The following GRIK5 variants were observed in gnomAD, a reference collection of about 807,000 sequenced individuals.
GRIK5 encodes glutamate receptor ionotropic, kainate 5.
A neutral mutation model predicts 97.4 loss-of-function variants in GRIK5; 43 were observed. That is an observed-to-expected ratio of 0.44 (90% confidence interval 0.35 to 0.57). The LOEUF is 0.57. Ranked by LOEUF, GRIK5 falls within the 20% of genes least tolerant of loss-of-function variation. GRIK5 has a pLI of 0.01. For synonymous variants in GRIK5, 580 were observed against 583.5 expected, an observed-to-expected ratio of 0.99 and a Z score of 0.09; for missense variants, 1,015 against 1,382.0, an observed-to-expected ratio of 0.73 and a Z score of 4.21.
At chr19:42,039,387 C>T (rs1413643850) in intron 12 of GRIK5, among the ~76,000 whole-genome samples, 1 of 152,180 alleles carries the variant, frequency 6.6e-6, no homozygotes, top group African/African-American at 2.4e-5. Context: ...GCAGGAGAAT[C>T]ATTTGAACCC....
chr19:42,027,141 T>C (rs2075781764), intron 12 of GRIK5, among the ~76,000 whole-genome samples: 2 of 152,172 alleles, frequency 1.3e-5, no homozygotes, highest in South Asian at 2.1e-4. Flanking sequence ...CGCCCTCCAC[T>C]AGCCCAGCAC....
chr19:42,039,804 A>T (rs1281811624), intron 12 of GRIK5, among the ~76,000 whole-genome samples: 1 of 151,864 alleles, frequency 6.6e-6, no homozygotes, highest in East Asian at 1.9e-4. Context: ...ACAGGGCCAG[A>T]CCCCATCTCT....
chr19:42,050,967 G>A (rs2076107780), intron 11 of GRIK5, among the ~76,000 whole-genome samples: 1 of 152,122 alleles, frequency 6.6e-6, no homozygotes, highest in African/African-American at 2.4e-5. Context: ...GCCCCTCAAG[G>A]CGAGACGCAG....
chr19:42,059,278 T>C, intron 6 of GRIK5, 71 bp downstream of exon 6: 2 of 1,232,608 alleles, frequency 1.6e-6, no homozygotes, highest in African/African-American at 1.5e-5. Context: ...CCCATGGGCA[T>C]TGGGTGACTT....
chr19:42,022,854 C>T lies in GRIK5; in HGVS notation c.1474-500G>A, dbSNP rs1479070446. On this transcript the variant is annotated intron_variant, in intron 12 of 19. Transcript: ENST00000593562. The surrounding 1 kb of genome is among the most constrained non-coding windows in gnomAD (Gnocchi z 4.2). ...GCCAGTGGAGACATAACCCAGGCCCCGGCCCAGTGTATAGTCAGGGAGATA... is the reference window on the plus strand; with the variant it reads ...GCCAGTGGAGACATAACCCAGGCCCTGGCCCAGTGTATAGTCAGGGAGATA... Among the ~76,000 whole-genome samples, 2 of 151,980 alleles carry T rather than the reference C, an allele frequency of 1.3e-5. No homozygotes were observed. The highest frequency in any genetic ancestry group is 1.3e-4 in the Admixed American group (2 of 15,246).
At chr19:42,051,677 G>C (rs1403629681) in intron 11 of GRIK5, among the ~76,000 whole-genome samples, 1 of 152,230 alleles carries the variant, frequency 6.6e-6, no homozygotes, top group Non-Finnish European at 1.5e-5. Context: ...CACCCAGTTT[G>C]AGTCACATCT....
chr19:42,065,534 TCTGGACTC>T lies in GRIK5; in HGVS notation c.79+150_80-148del, dbSNP rs912726439. 8 of 980,336 alleles carry T rather than the reference TCTGGACTC, an allele frequency of 8.2e-6. No homozygotes were observed. Among genetic ancestry groups the T allele is most frequent in the Non-Finnish European group, 1.2e-5 (8 of 670,672 alleles). 60.7% of individuals were successfully genotyped at this position (980,336 alleles called of 1,614,324 possible). A position where few individuals can be genotyped will look rare whatever the true frequency, so the allele number is the denominator to read the frequency against. On this transcript the variant is annotated intron_variant, in intron 2 of 19. Transcript: ENST00000593562. The surrounding 1 kb of genome is among the most constrained non-coding windows in gnomAD (Gnocchi z 5.8). The stretch of plus-strand genomic sequence containing the variant: ...ATCTGAGGTTGGTGGGAGCTAGGGG[TCTGGACTC>T]CTGGGTCCTGGGGGAAGGAGGAACT...
At chr19:42,055,832 G>A (rs1342387227) in intron 8 of GRIK5, among the ~76,000 whole-genome samples, 1 of 151,566 alleles carries the variant, frequency 6.6e-6, no homozygotes, top group African/African-American at 2.4e-5. Flanking sequence ...ACAGGCATAC[G>A]CCACCACACC....
chr19:42,063,034 G>A (rs1274025473), intron 3 of GRIK5, among the ~76,000 whole-genome samples, 179 bp from the exon 4 acceptor site: 1 of 152,202 alleles, frequency 6.6e-6, no homozygotes, highest in African/African-American at 2.4e-5. Context: ...GTGAACATGA[G>A]GGGGCATGAG....
chr19:42,008,021 G>A (rs1474076991), intron 15 of GRIK5, among the ~76,000 whole-genome samples: 3 of 151,894 alleles, frequency 2.0e-5, no homozygotes, highest in Admixed American at 2.0e-4. Context: ...TGTAAACAAT[G>A]TCTGTTATGT....
rs149685179 is a variant in GRIK5 at position 42,034,611 on chromosome 19, A to C, written c.1473+7941T>G. On this transcript the variant is annotated intron_variant, in intron 12 of 19. Coordinates refer to ENST00000593562, the MANE Select transcript of GRIK5 (RefSeq NM_002088.5). Reference sequence around the variant, plus strand: ...CACCAGCTGGGTGTCAGATGGTTCTAGGCGCTGGGGATGCAGAAGTAAGGA... The same window carrying C: ...CACCAGCTGGGTGTCAGATGGTTCTCGGCGCTGGGGATGCAGAAGTAAGGA... Among the ~76,000 whole-genome samples, 39 of 152,228 alleles carry C rather than the reference A, an allele frequency of 2.6e-4. No individual in the cohort carries two copies. The East Asian group carries it at 7.5e-3, about 29-fold the overall frequency.
chr19:42,041,759 C>T (rs2075980347), intron 12 of GRIK5, among the ~76,000 whole-genome samples: 1 of 152,150 alleles, frequency 6.6e-6, no homozygotes, highest in Non-Finnish European at 1.5e-5. Context: ...TCCCCTGCTC[C>T]AAATACACTC....
chr19:42,028,842 A>G (rs2075803550), intron 12 of GRIK5, among the ~76,000 whole-genome samples: 1 of 152,218 alleles, frequency 6.6e-6, no homozygotes, highest in Non-Finnish European at 1.5e-5. Context: ...AGTGATGCCC[A>G]CTATATTGTC....
rs1362063850 is a variant in GRIK5 at position 42,062,462 on chromosome 19, AAAC to A, written c.508+23_508+25del. On this transcript the variant is annotated intron_variant, in intron 5 of 19. Coordinates refer to ENST00000593562, the MANE Select transcript of GRIK5 (RefSeq NM_002088.5). The surrounding 1 kb of genome is among the most constrained non-coding windows in gnomAD (Gnocchi z 5.3). ...GGGAAGGGGTGTCTGGGGGAACAGAAAACAAAACATTCAGTTCTCCCTCACACT... is the reference window on the plus strand; with the variant it reads ...GGGAAGGGGTGTCTGGGGGAACAGAAAAAACATTCAGTTCTCCCTCACACT... 1.2e-6 allele frequency: 2 copies of A among 1,613,020 alleles called. No homozygotes were observed. The highest frequency in any genetic ancestry group is 2.2e-5 in the South Asian group (2 of 91,052).
rs1167702291 is a variant in GRIK5, at chr19:42,002,662, G to A, written c.2514+670C>T. ...AGTCCAGGGGTGCAAGAGCACGAATGGGTCTGGAAATGCAGGGGTGTGGCT... is the reference window on the plus strand; with the variant it reads ...AGTCCAGGGGTGCAAGAGCACGAATAGGTCTGGAAATGCAGGGGTGTGGCT... On this transcript the variant is annotated intron_variant, in intron 19 of 19. Coordinates refer to ENST00000593562, the MANE Select transcript of GRIK5 (RefSeq NM_002088.5). This position sits in a 1 kb window ranked among gnomAD's most constrained non-coding sequence, Gnocchi z 5.2. 6.5e-6 allele frequency: 4 copies of A among 615,600 alleles called. No individual in the cohort carries two copies. Among genetic ancestry groups the A allele is most frequent in the Non-Finnish European group, 1.2e-5 (4 of 343,898 alleles). The allele number at this position is 615,600 out of a possible 1,614,324, so 38.1% of individuals were successfully genotyped here.
At chr19:42,059,866 G>A (rs1365016878) in intron 5 of GRIK5, among the ~76,000 whole-genome samples, 4 of 152,174 alleles carry the variant, frequency 2.6e-5, no homozygotes, top group Non-Finnish European at 4.4e-5. Flanking sequence ...TAGTGTGCCA[G>A]TCGCTCAGGC....
intron 12 of GRIK5, among the ~76,000 whole-genome samples, chr19:42,035,582 C>T (rs565484471): frequency 7.2e-5 from 11 of 151,930 alleles, no homozygotes; most frequent in African/African-American, 9.7e-5. Context: ...TGGTGGTGGG[C>T]GCCTGTAATC....
At chr19:42,007,417 A>G (rs375531953) in intron 15 of GRIK5, among the ~76,000 whole-genome samples, 2 of 152,196 alleles carry the variant, frequency 1.3e-5, no homozygotes, top group East Asian at 3.8e-4. Context: ...AAAACATAGG[A>G]CAAGAGACAT....
chr19:42,020,366 C>A (rs1218275830), intron 15 of GRIK5, among the ~76,000 whole-genome samples: 1 of 152,174 alleles, frequency 6.6e-6, no homozygotes, highest in African/African-American at 2.4e-5. Flanking sequence ...CTTGTTTATT[C>A]TCAGCTCCTC....
Sources: allele counts gnomAD v4.1 joint callset (sites outside exome capture counted in the v4.1 genomes callset), GRCh38; gene constraint gnomAD v4.1.1; non-coding constraint Gnocchi (gnomAD v3.1); transcripts MANE v1.5; gene names NCBI Gene and HGNC (gene_info 2026-07-23, HGNC 2026-07-21).